REM2: variants seen among roughly 807,000 people sequenced by gnomAD.
REM2 encodes GTP-binding protein REM 2.
REM2 carries 24 observed loss-of-function variants against 24.4 expected under a neutral mutation model. That is an observed-to-expected ratio of 0.98 (90% CI 0.71 to 1.38). The LOEUF (loss-of-function observed/expected upper bound fraction) is 1.38. Ranked by LOEUF, REM2 falls within the 40% of genes most tolerant of loss-of-function variation. The pLI is 0.00. For synonymous variants in REM2, 187 were observed against 198.0 expected, an observed-to-expected ratio of 0.94 and a Z score of 0.47; for missense variants, 429 against 467.8, an observed-to-expected ratio of 0.92 and a Z score of 0.77.
chr14:22,885,046 G>A (rs1566499184), intron 2 of REM2, 31 bp downstream of exon 2: 1 of 1,518,580 alleles, frequency 6.6e-7, no homozygotes, highest in East Asian at 2.3e-5. Context: ...GGGGTTGAGG[G>A]GGCTCTGGGG....
chr14:22,884,203 G>C, intron 1 of REM2: 4 of 985,362 alleles, frequency 4.1e-6, no homozygotes, highest in Non-Finnish European at 4.8e-6. Context: ...CCAGACACTG[G>C]GCAGCAGTTT....
rs1045086103 is a variant in REM2 at position 22,886,291 on chromosome 14, T to C, written c.727+60T>C. 1 of 1,450,794 alleles carries C rather than the reference T, an allele frequency of 6.9e-7. No individual in the cohort carries two copies. Among genetic ancestry groups the C allele is most frequent in the African/African-American group, 1.4e-5 (1 of 71,238 alleles). The allele number at this position is 1,450,794 out of a possible 1,614,324, so 89.9% of individuals were successfully genotyped here. A position where few individuals can be genotyped will look rare whatever the true frequency, so the allele number is the denominator to read the frequency against. ...TCAGGGGAATGCTCTCCCTTCCAAG[T>C]CACCTCTTCTCCCTAAGGCCTTTTT... On this transcript the variant is annotated intron_variant, in intron 4 of 4. Transcript: ENST00000267396. This position sits in a 1 kb window ranked among gnomAD's most constrained non-coding sequence, Gnocchi z 5.9.
Position 22,883,388 on chromosome 14 carries a change from C to G in REM2, c.101C>G (p.Pro34Arg). 6.4e-7 allele frequency: 1 copy of G among 1,552,716 alleles called. No homozygotes were observed. The highest frequency in any genetic ancestry group is 1.2e-5 in the South Asian group (1 of 84,118). Residue 34 changes from proline (P) to arginine (R), a missense_variant and splice_region_variant, in exon 1 of 5, where the codon CCA becomes CGA. By Grantham distance (103) the Pro-to-Arg change is moderately radical. Coordinates refer to ENST00000267396, the MANE Select transcript of REM2 (RefSeq NM_173527.3). ...RRASPPGTPT[P>R]EADATLLKKS... is the part of the protein sequence containing the mutation. ...GCCTCCCCTCCAGGGACGCCCACAC[C>G]AGGTGAGGGCTAACCTGGGCAGGTT...
In REM2 at chr14:22,884,326, C is replaced by T. The variant is rs1035145269; in HGVS notation, c.104-348C>T. ...AGCTTCCCCAAACCTCCCCCAACTCCACCGTACAGGGCCAGAGGCCTAGTC... is the reference window on the plus strand; with the variant it reads ...AGCTTCCCCAAACCTCCCCCAACTCTACCGTACAGGGCCAGAGGCCTAGTC... On this transcript the variant is annotated intron_variant, in intron 1 of 4. Transcript: ENST00000267396. 7.1e-6 allele frequency: 7 copies of T among 985,452 alleles called. No homozygotes were observed. In the East Asian group the frequency reaches 3.4e-4, roughly 48 times the overall value. The allele number at this position is 985,452 out of a possible 1,614,324, so 61.0% of individuals were successfully genotyped here. A position where few individuals can be genotyped will look rare whatever the true frequency, so the allele number is the denominator to read the frequency against.
intron 1 of REM2, among the ~76,000 whole-genome samples, chr14:22,883,932 C>A (rs1019597303): frequency 6.6e-6 from 1 of 151,910 alleles, no homozygotes; most frequent in African/African-American, 2.4e-5. Context: ...CACTATCTCT[C>A]TCTCTCTACT....
chr14:22,886,995 T>C lies in REM2; in HGVS notation c.*86T>C. Reference sequence around the variant, plus strand: ...TCGCCCCGCCCCGCCCCCGTCCGGCTTCCTTGGTGGAGGCCGTCTAGGAAA... The same window carrying C: ...TCGCCCCGCCCCGCCCCCGTCCGGCCTCCTTGGTGGAGGCCGTCTAGGAAA... On this transcript the variant is annotated 3_prime_UTR_variant, in exon 5 of 5. Transcript: ENST00000267396. This position sits in a 1 kb window ranked among gnomAD's most constrained non-coding sequence, Gnocchi z 5.9. 2 of 1,220,670 alleles carry C rather than the reference T, an allele frequency of 1.6e-6. No individual in the cohort carries two copies. Among genetic ancestry groups the C allele is most frequent in the Non-Finnish European group, 2.2e-6 (2 of 922,270 alleles). The allele number at this position is 1,220,670 out of a possible 1,614,324, so 75.6% of individuals were successfully genotyped here. A position where few individuals can be genotyped will look rare whatever the true frequency, so the allele number is the denominator to read the frequency against.
In REM2 at chr14:22,886,088, T is replaced by G. The variant is rs767625289; in HGVS notation, c.584T>G (p.Phe195Cys). 2 of 1,613,962 alleles carry G rather than the reference T, an allele frequency of 1.2e-6. No homozygotes were observed. The highest frequency in any genetic ancestry group is 4.5e-5 in the East Asian group (2 of 44,878). Residue 195 changes from phenylalanine (F) to cysteine (C), a missense_variant, in exon 4 of 5, where the codon TTC (phenylalanine) becomes TGC (cysteine). Coordinates refer to ENST00000267396, the MANE Select transcript of REM2 (RefSeq NM_173527.3). The surrounding 1 kb of genome is among the most constrained non-coding windows in gnomAD (Gnocchi z 5.9). ...ACCGGGGACGCCTTTCTCATCGTCTTCTCAGTCACCGACCGACGGAGTTTC... is the reference window on the plus strand; with the variant it reads ...ACCGGGGACGCCTTTCTCATCGTCTGCTCAGTCACCGACCGACGGAGTTTC... ...LQTGDAFLIV[F>C]SVTDRRSFSK...
chr14:22,885,207 C>T, intron 2 of REM2, 59 bp from the exon 3 acceptor site: 1 of 1,502,270 alleles, frequency 6.7e-7, no homozygotes, highest in Non-Finnish European at 9.3e-7. Context: ...GTTACCAGGT[C>T]TCACAAATGT....
chr14:22,886,659 C>G lies in REM2; in HGVS notation c.773C>G (p.Thr258Arg). Residue 258 changes from threonine (T) to arginine (R), a missense_variant, in exon 5 of 5, where the codon ACG becomes AGG. Thr to Arg is a moderately conservative substitution (Grantham distance 71). Coordinates refer to ENST00000267396, the MANE Select transcript of REM2 (RefSeq NM_173527.3). This position sits in a 1 kb window ranked among gnomAD's most constrained non-coding sequence, Gnocchi z 5.9. ...ACGCTGAGCTGCAAGCACATCGAGA[C>G]GTCGGCCGCACTGCACCACAACACG... The part of the protein sequence containing the change: ...AGTLSCKHIE[T>R]SAALHHNTRE... The G allele has an allele frequency of 6.8e-7, 1 of 1,463,528 alleles. No homozygotes were observed. The highest frequency in any genetic ancestry group is 9.0e-7 in the Non-Finnish European group (1 of 1,107,342). 90.7% of individuals were successfully genotyped at this position (1,463,528 alleles called of 1,614,324 possible).
Position 22,886,670 on chromosome 14 carries a change from C to G in REM2, c.784C>G (p.Leu262Val). ...CAAGCACATCGAGACGTCGGCCGCA[C>G]TGCACCACAACACGAGGGAGCTCTT... The part of the protein sequence containing the change: ...SCKHIETSAA[L>V]HHNTRELFEG... Residue 262 changes from leucine to valine, a missense_variant, in exon 5 of 5, where the codon CTG becomes GTG. Transcript: ENST00000267396. The surrounding 1 kb of genome is among the most constrained non-coding windows in gnomAD (Gnocchi z 5.9). 6.8e-7 allele frequency: 1 copy of G among 1,478,676 alleles called. No homozygotes were observed. 91.6% of individuals were successfully genotyped at this position (1,478,676 alleles called of 1,614,324 possible).
intron 1 of REM2, among the ~76,000 whole-genome samples, chr14:22,883,676 C>A (rs1485915831): frequency 1.3e-5 from 2 of 152,044 alleles, no homozygotes; most frequent in African/African-American, 2.4e-5. Context: ...CTGGAACAGG[C>A]AAGAAGGAAG....
At chr14:22,885,383 G>A (rs1373286186) in intron 3 of REM2, 44 bp downstream of exon 3, 9 of 1,503,238 alleles carry the variant, frequency 6.0e-6, no homozygotes, top group Non-Finnish European at 8.3e-6. Flanking sequence ...GAAGCTGGGA[G>A]AACTGGGGAA....
At chr14:22,883,740 C>G (rs776143784) in intron 1 of REM2, among the ~76,000 whole-genome samples, 7 of 152,086 alleles carry the variant, frequency 4.6e-5, no homozygotes, top group Non-Finnish European at 8.8e-5. Context: ...GGGGCTACCC[C>G]GGGGAACTAT....
chr14:22,886,700 G>A lies in REM2; in HGVS notation c.814G>A (p.Gly272Ser), dbSNP rs1281007538. The A allele has an allele frequency of 2.0e-6, 3 of 1,504,408 alleles. No homozygotes were observed. The East Asian group carries it at 7.5e-5, about 38-fold the overall frequency. 93.2% of individuals were successfully genotyped at this position (1,504,408 alleles called of 1,614,324 possible). ...CCACAACACGAGGGAGCTCTTCGAG[G>A]GCGCGGTGCGCCAGATCCGGCTGCG... The part of the protein sequence containing the change: ...LHHNTRELFE[G>S]AVRQIRLRRG... Residue 272 changes from glycine (G) to serine (S), a missense_variant, in exon 5 of 5, where the codon GGC becomes AGC. By Grantham distance (56) the Gly-to-Ser change is moderately conservative (BLOSUM62 0). Transcript: ENST00000267396. This position sits in a 1 kb window ranked among gnomAD's most constrained non-coding sequence, Gnocchi z 5.9.
rs1296588490 is a variant in REM2 at position 22,887,044 on chromosome 14, G to T, written c.*135G>T. On this transcript the variant is annotated 3_prime_UTR_variant, in exon 5 of 5. Transcript: ENST00000267396. ...AACCAAAAACTCCCAGGATGCCCCG[G>T]TGTGACCGCCGGGGGCGGCCCGGGG... 3.8e-6 allele frequency: 3 copies of T among 794,590 alleles called. No individual in the cohort carries two copies. The highest frequency in any genetic ancestry group is 6.6e-5 in the East Asian group (2 of 30,192). The allele number at this position is 794,590 out of a possible 1,614,324, so 49.2% of individuals were successfully genotyped here. A position where few individuals can be genotyped will look rare whatever the true frequency, so the allele number is the denominator to read the frequency against.
Position 22,886,759 on chromosome 14 carries a change from C to T in REM2, c.873C>T (p.Pro291=). 6.5e-7 allele frequency: 1 copy of T among 1,545,006 alleles called. No homozygotes were observed. ...GAAACCACGCCGGAGGCCAGAGGCC[C>T]GATCCGGGCAGCCCCGAGGGCCCTG... ...RGRNHAGGQR[P]DPGSPEGPAP... Residue 291 remains proline, a synonymous_variant, in exon 5 of 5, where the codon CCC becomes CCT. Transcript: ENST00000267396. The surrounding 1 kb of genome is among the most constrained non-coding windows in gnomAD (Gnocchi z 5.9).
In REM2 at chr14:22,886,684, G is replaced by T; in HGVS notation, c.798G>T (p.Thr266=). 6.7e-7 allele frequency: 1 copy of T among 1,498,184 alleles called. No homozygotes were observed. The highest frequency in any genetic ancestry group is 8.9e-7 in the Non-Finnish European group (1 of 1,125,588). 92.8% of individuals were successfully genotyped at this position (1,498,184 alleles called of 1,614,324 possible). A position where few individuals can be genotyped will look rare whatever the true frequency, so the allele number is the denominator to read the frequency against. The change falls in exon 5 of 5, where the codon ACG becomes ACT. Residue 266 remains threonine, a synonymous_variant. Transcript: ENST00000267396. The surrounding 1 kb of genome is among the most constrained non-coding windows in gnomAD (Gnocchi z 5.9). The part of the protein sequence containing the change: ...IETSAALHHN[T]RELFEGAVRQ... ...CGTCGGCCGCACTGCACCACAACACGAGGGAGCTCTTCGAGGGCGCGGTGC... is the reference window on the plus strand; with the variant it reads ...CGTCGGCCGCACTGCACCACAACACTAGGGAGCTCTTCGAGGGCGCGGTGC...
intron 1 of REM2, among the ~76,000 whole-genome samples, chr14:22,883,733 G>T (rs1438304252): frequency 1.3e-5 from 2 of 152,122 alleles, no homozygotes; most frequent in Non-Finnish European, 2.9e-5. Context: ...ACAGGCAGGG[G>T]CTACCCCGGG....
Position 22,886,770 on chromosome 14 carries a change from G to C in REM2, c.884G>C (p.Ser295Thr), listed in dbSNP as rs2040134432. Residue 295 changes from serine to threonine, a missense_variant, in exon 5 of 5, where the codon AGC becomes ACC. By Grantham distance (58) the Ser-to-Thr change is moderately conservative. Coordinates refer to ENST00000267396, the MANE Select transcript of REM2 (RefSeq NM_173527.3). The surrounding 1 kb of genome is among the most constrained non-coding windows in gnomAD (Gnocchi z 5.9). ...GGAGGCCAGAGGCCCGATCCGGGCA[G>C]CCCCGAGGGCCCTGCGCCACCTGCA... ...HAGGQRPDPG[S>T]PEGPAPPARR... The C allele has an allele frequency of 1.3e-6, 2 of 1,547,862 alleles. No homozygotes were observed. Among genetic ancestry groups the C allele is most frequent in the Admixed American group, 3.9e-5 (2 of 50,794 alleles).
Sources: gnomAD v4.1 joint callset for allele counts (sites outside exome capture counted in the v4.1 genomes callset) on GRCh38, gnomAD v4.1.1 for gene constraint, Gnocchi (gnomAD v3.1) non-coding constraint, MANE v1.5 for transcripts, NCBI Gene and HGNC (gene_info 2026-07-23, HGNC 2026-07-21) for gene names.